FBXO15: variants seen among roughly 807,000 people sequenced by gnomAD.
FBXO15 encodes F-box protein 15.
A neutral mutation model predicts 49.5 loss-of-function variants in FBXO15; 30 were observed. That is an observed-to-expected ratio of 0.61 (90% confidence interval 0.45 to 0.82). FBXO15 has a LOEUF of 0.82. Among genes scored for constraint, FBXO15 ranks in the 40% least tolerant of loss-of-function variants. The pLI is 0.00. For synonymous variants in FBXO15, 250 were observed against 232.7 expected (o/e 1.07, Z -0.68); for missense variants, 591 against 631.5 (o/e 0.94, Z 0.69).
rs199553821 is a variant in FBXO15, at chr18:74,126,101, T to C, written c.786A>G (p.Arg262=). ...TTGCAATTAAAGAATGCCATCGGAG[T>C]CTTTGAACGTTATGCCAAGGAAAGG... ...TDWYKTPTKH[R]LRWHSLIAKY... is the part of the protein sequence containing the mutation. The change falls in exon 6 of 10, where the codon AGA becomes AGG. Residue 262 remains arginine, a splice_region_variant and synonymous_variant. Coordinates refer to ENST00000419743, the MANE Select transcript of FBXO15 (RefSeq NM_001142958.2). The C allele has an allele frequency of 6.1e-5, 99 of 1,613,206 alleles. No homozygotes were observed. Among genetic ancestry groups the C allele is most frequent in the Non-Finnish European group, 6.9e-5 (81 of 1,179,626 alleles).
chr18:74,142,672 A>T (rs111691618), intron 1 of FBXO15, among the ~76,000 whole-genome samples: 48 of 152,178 alleles, frequency 3.2e-4, no homozygotes, highest in African/African-American at 1.1e-3. Flanking sequence ...TCTTATAAGG[A>T]TATCATTCAT....
chr18:74,087,970 T>C lies in FBXO15; in HGVS notation c.1139-5919A>G, dbSNP rs542363626. On this transcript the variant is annotated intron_variant, in intron 8 of 9. Coordinates refer to ENST00000419743, the MANE Select transcript of FBXO15 (RefSeq NM_001142958.2). ...TTTGCACTTCTCTAATGATTAGTGA[T>C]GTTGAGCATTTTATCATATGCTTGT... is the stretch of plus-strand genomic sequence containing the variant. 1.1e-4 allele frequency among the ~76,000 whole-genome samples: 17 copies of C among 152,336 alleles called. No individual in the cohort carries two copies. In the South Asian group the frequency reaches 3.5e-3, roughly 32 times the overall value.
chr18:74,121,848 C>T (rs1599170479), intron 8 of FBXO15, among the ~76,000 whole-genome samples: 2 of 152,270 alleles, frequency 1.3e-5, no homozygotes, highest in East Asian at 1.9e-4. Flanking sequence ...AAACCATGCT[C>T]CAGAGTTAAA....
chr18:74,135,765 T>C lies in FBXO15; in HGVS notation c.329A>G (p.Asp110Gly). 1.3e-6 allele frequency: 2 copies of C among 1,599,970 alleles called. No individual in the cohort carries two copies. Among genetic ancestry groups the C allele is most frequent in the Non-Finnish European group, 8.5e-7 (1 of 1,176,128 alleles). Residue 110 changes from aspartate to glycine, a missense_variant, in exon 3 of 10, where the codon GAC (aspartate) becomes GGC (glycine). Transcript: ENST00000419743. Reference protein sequence around the residue: ...VSRRFYHLANDNFIWIGIYST... With the variant: ...VSRRFYHLANGNFIWIGIYST... ...AGAGACTTGGATTTCTGCTTACTTG[T>C]CATTGGCTAGATGATAAAAGCGCCT...
At chr18:74,099,213 TAAC>T (rs1193499954) in intron 8 of FBXO15, 1 of 152,096 alleles carries the variant, frequency 6.6e-6, no homozygotes, top group Non-Finnish European at 1.5e-5. Context: ...TCTATCAGAT[TAAC>T]AACAGATTTC....
chr18:74,082,144 C>T (rs893222664), intron 8 of FBXO15, 93 bp from the exon 9 acceptor site: 2 of 1,322,400 alleles, frequency 1.5e-6, no homozygotes, highest in Non-Finnish European at 2.1e-6. Flanking sequence ...GGATACCTCA[C>T]CCTGGTAAGC....
intron 9 of FBXO15, among the ~76,000 whole-genome samples, chr18:74,077,042 T>C (rs149885594): frequency 7.0e-4 from 106 of 152,302 alleles, no homozygotes; most frequent in African/African-American, 2.4e-3. Context: ...ACCAGTGTGT[T>C]GAATGCAGAA....
chr18:74,073,879 T>A, intron 9 of FBXO15, 149 bp from the exon 10 acceptor site: 1 of 949,560 alleles, frequency 1.1e-6, no homozygotes, highest in Non-Finnish European at 1.6e-6. Flanking sequence ...GCCTACTTCA[T>A]AACCTAGATT....
At chr18:74,139,338 T>C (rs1050184421) in intron 2 of FBXO15, among the ~76,000 whole-genome samples, 2 of 152,222 alleles carry the variant, frequency 1.3e-5, no homozygotes, top group African/African-American at 2.4e-5. Context: ...GAGTAGGTCC[T>C]CAAATATTTA....
At position 74,096,368 on chromosome 18, in the gene FBXO15, C is replaced by T. The variant is rs536456201; in HGVS notation, c.1139-14317G>A. Among the ~76,000 whole-genome samples the T allele has an allele frequency of 7.4e-4, 112 of 152,136 alleles. 2 individuals carry two copies. Among genetic ancestry groups the T allele is most frequent in the Admixed American group, 4.6e-4 (7 of 15,290 alleles). ...AAACCCCTAGCCAGCCTTCTCACACCGCCAGGATATACTCTTTGGGGCCTC... is the reference window on the plus strand; with the variant it reads ...AAACCCCTAGCCAGCCTTCTCACACTGCCAGGATATACTCTTTGGGGCCTC... On this transcript the variant is annotated intron_variant, in intron 8 of 9. Transcript: ENST00000419743.
At position 74,073,652 on chromosome 18, in the gene FBXO15, T is replaced by G; in HGVS notation, c.1342A>C (p.Arg448=). 6.2e-7 allele frequency: 1 copy of G among 1,614,208 alleles called. No individual in the cohort carries two copies. Among genetic ancestry groups the G allele is most frequent in the South Asian group, 1.1e-5 (1 of 91,088 alleles). The change falls in exon 10 of 10, where the codon AGA becomes CGA. Residue 448 remains arginine (R), a synonymous_variant. Transcript: ENST00000419743. ...CTGTCAGAGGGTGTGGCAGGCGATCTCAGGCACACCGGGGAACTGAAACAC... is the reference window on the plus strand; with the variant it reads ...CTGTCAGAGGGTGTGGCAGGCGATCGCAGGCACACCGGGGAACTGAAACAC... The part of the protein sequence containing the change: ...FWCFSSPVCL[R]SPATPSDSSS...
rs755696873 is a variant in FBXO15, at chr18:74,073,621, C to A, written c.1373G>T (p.Ser458Ile). 3.1e-6 allele frequency: 5 copies of A among 1,614,200 alleles called. No homozygotes were observed. The South Asian group carries it at 5.5e-5, about 18-fold the overall frequency. Residue 458 changes from serine (S) to isoleucine (I), a missense_variant, in exon 10 of 10, where the codon AGC (serine) becomes ATC (isoleucine). Physicochemically the swap from Ser to Ile is moderately radical, Grantham distance 142 (BLOSUM62 -2). Coordinates refer to ENST00000419743, the MANE Select transcript of FBXO15 (RefSeq NM_001142958.2). ...CACGTTGTATGTCTGTCCCAAGAAGCTAGAGCTGTCAGAGGGTGTGGCAGG... is the reference window on the plus strand; with the variant it reads ...CACGTTGTATGTCTGTCCCAAGAAGATAGAGCTGTCAGAGGGTGTGGCAGG... Reference protein sequence around the residue: ...RSPATPSDSSSFLGQTYNVDY... With the variant: ...RSPATPSDSSIFLGQTYNVDY...
chr18:74,121,540 G>A (rs541857936), intron 8 of FBXO15, among the ~76,000 whole-genome samples: 8 of 152,274 alleles, frequency 5.3e-5, no homozygotes, highest in Admixed American at 2.6e-4. Context: ...AGGTTAATAT[G>A]TGGAATTGAA....
At chr18:74,102,461 C>T (rs1027903951) in intron 8 of FBXO15, among the ~76,000 whole-genome samples, 5 of 152,048 alleles carry the variant, frequency 3.3e-5, no homozygotes, top group African/African-American at 7.2e-5. Flanking sequence ...ATAACAGATG[C>T]TGGCATTGAT....
At position 74,074,088 on chromosome 18, in the gene FBXO15, G is replaced by A. The variant is rs1242136749; in HGVS notation, c.1264-358C>T. 2.0e-5 allele frequency among the ~76,000 whole-genome samples: 3 copies of A among 152,114 alleles called. No homozygotes were observed. Among genetic ancestry groups the A allele is most frequent in the African/African-American group, 4.8e-5 (2 of 41,408 alleles). On this transcript the variant is annotated intron_variant, in intron 9 of 9. Coordinates refer to ENST00000419743, the MANE Select transcript of FBXO15 (RefSeq NM_001142958.2). This position sits in a 1 kb window ranked among gnomAD's most constrained non-coding sequence, Gnocchi z 4.7. ...ACACCAACAACCAGTCAGCGCTTCC[G>A]AGCGTGAGGCACCGCATCACCCTGA...
At chr18:74,099,703 A>T (rs1025535605) in intron 8 of FBXO15, 1 of 152,174 alleles carries the variant, frequency 6.6e-6, no homozygotes, top group African/African-American at 2.4e-5. Context: ...CATAAACTTA[A>T]GGTAAAGGGG....
At chr18:74,092,811 A>G (rs565989903) in intron 8 of FBXO15, among the ~76,000 whole-genome samples, 1 of 152,300 alleles carries the variant, frequency 6.6e-6, no homozygotes, top group East Asian at 1.9e-4. Flanking sequence ...GTGGTGCCAG[A>G]TAAAGCATCA....
Position 74,081,921 on chromosome 18 carries a change from T to C in FBXO15, c.1263+6A>G, listed in dbSNP as rs771791149. The C allele has an allele frequency of 6.3e-7, 1 of 1,596,544 alleles. No homozygotes were observed. Among genetic ancestry groups the C allele is most frequent in the Non-Finnish European group, 8.5e-7 (1 of 1,173,874 alleles). On this transcript the variant is annotated splice_donor_region_variant and intron_variant, in intron 9 of 9. Coordinates refer to ENST00000419743, the MANE Select transcript of FBXO15 (RefSeq NM_001142958.2). ...CTTGAAGAAAAGAAAACGGTTCTGTTTTTACCTTTATACAGCCATCAAAAA... is the reference window on the plus strand; with the variant it reads ...CTTGAAGAAAAGAAAACGGTTCTGTCTTTACCTTTATACAGCCATCAAAAA...
At position 74,140,251 on chromosome 18, in the gene FBXO15, C is replaced by T; in HGVS notation, c.178G>A (p.Gly60Arg). ...SAALRCHAGG[G>R]QHWESSFSCC... ...GAGAAAGAGCTCTCCCAGTGCTGTC[C>T]ACCTCCGGCATGGCACCTCAGGGCA... The change falls in exon 2 of 10, where the codon GGA becomes AGA. Residue 60 changes from glycine to arginine, a missense_variant. Transcript: ENST00000419743. 2.6e-6 allele frequency: 4 copies of T among 1,551,558 alleles called. No individual in the cohort carries two copies. Among genetic ancestry groups the T allele is most frequent in the Non-Finnish European group, 3.5e-6 (4 of 1,146,952 alleles).
Sources: gnomAD v4.1 joint callset for allele counts (sites outside exome capture counted in the v4.1 genomes callset) on GRCh38, gnomAD v4.1.1 for gene constraint, Gnocchi (gnomAD v3.1) non-coding constraint, MANE v1.5 for transcripts, NCBI Gene and HGNC (gene_info 2026-07-23, HGNC 2026-07-21) for gene names.